SLC16A6: variants seen among roughly 807,000 people sequenced by gnomAD.
The protein encoded by SLC16A6 is solute carrier family 16 member 6.
A neutral mutation model predicts 33.8 loss-of-function variants in SLC16A6; 15 were observed. That is an observed-to-expected ratio of 0.44 (90% CI 0.30 to 0.68). The LOEUF (loss-of-function observed/expected upper bound fraction) is 0.68, where lower values mean the gene tolerates loss of function less well. Among genes scored for constraint, SLC16A6 ranks in the 30% least tolerant of loss-of-function variants. SLC16A6 has a pLI of 0.10. For synonymous variants in SLC16A6, 219 were observed against 248.4 expected (o/e 0.88, Z 1.11); for missense variants, 451 against 661.5 (o/e 0.68, Z 3.49).
rs112872270 is a variant in SLC16A6 at position 68,273,969 on chromosome 17, G to T, written c.334C>A (p.Gln112Lys). Residue 112 changes from glutamine (Q) to lysine (K), a missense_variant, in exon 3 of 6, where the codon CAA becomes AAA. Coordinates refer to ENST00000580666, the MANE Select transcript of SLC16A6 (RefSeq NM_004694.5). ...GCGACGTACATATGAGAAACCTCTT[G>T]TGAGAAGGAGGCGGCCACCATCCCG... ...STGMVAASFSQEVSHMYVAIG... is the reference protein window; with the variant it reads ...STGMVAASFSKEVSHMYVAIG... The T allele has an allele frequency of 1.1e-4, 182 of 1,614,206 alleles. No homozygotes were observed. The African/African-American group carries it at 1.9e-3, about 17-fold the overall frequency.
chr17:68,282,754 C>G (rs2075732037), intron 1 of SLC16A6, among the ~76,000 whole-genome samples: 1 of 127,250 alleles, frequency 7.9e-6, no homozygotes, highest in Non-Finnish European at 1.6e-5. Context: ...GCAGTCTGGC[C>G]AACATAGTGA....
chr17:68,282,083 A>G lies in SLC16A6; in HGVS notation c.-7-3756T>C, dbSNP rs534933762. ...TTATTGCGGCACTATTCACAACAGC[A>G]AAGACTTGGAACCAATCCAAATGTC... On this transcript the variant is annotated intron_variant, in intron 1 of 5. Transcript: ENST00000580666. Among the ~76,000 whole-genome samples the G allele has an allele frequency of 1.2e-3, 184 of 152,314 alleles. 1 individual carries two copies. The highest frequency in any genetic ancestry group is 1.9e-3 in the Non-Finnish European group (132 of 68,032).
chr17:68,291,441 A>G (rs1181892513), upstream of SLC16A6: 2 of 149,668 alleles, frequency 1.3e-5, no homozygotes, highest in Non-Finnish European at 3.0e-5. Context: ...GCCGCCGACC[A>G]TGTGCTGCGA....
intron 1 of SLC16A6, among the ~76,000 whole-genome samples, chr17:68,288,690 A>G (rs1261398889): frequency 2.0e-5 from 3 of 152,248 alleles, no homozygotes; most frequent in Non-Finnish European, 4.4e-5. Context: ...CTATACTTCT[A>G]TGACAGCCTT....
chr17:68,289,565 A>G (rs2075920970), intron 1 of SLC16A6, among the ~76,000 whole-genome samples: 1 of 152,208 alleles, frequency 6.6e-6, no homozygotes, highest in Non-Finnish European at 1.5e-5. Context: ...AGCCCGGAGA[A>G]CAGCTTTGAC....
In SLC16A6 at chr17:68,269,007, G is replaced by C. The variant is rs148251357; in HGVS notation, c.*89C>G. On this transcript the variant is annotated 3_prime_UTR_variant, in exon 6 of 6. Coordinates refer to ENST00000580666, the MANE Select transcript of SLC16A6 (RefSeq NM_004694.5). ...ATGTAGTTTTGAAAGTGGAGTAGAGGGGTTAGCTCCTCTGCCTCCTTGTGT... is the reference window on the plus strand; with the variant it reads ...ATGTAGTTTTGAAAGTGGAGTAGAGCGGTTAGCTCCTCTGCCTCCTTGTGT... The C allele has an allele frequency of 2.9e-3, 4,627 of 1,568,752 alleles. 303 individuals carry two copies. The African/African-American group carries it at 0.057, about 19-fold the overall frequency.
At chr17:68,289,154 C>T (rs1448462448) in intron 1 of SLC16A6, among the ~76,000 whole-genome samples, 2 of 151,994 alleles carry the variant, frequency 1.3e-5, no homozygotes, top group Admixed American at 6.6e-5. Context: ...GAGACCAACC[C>T]GGGCAACATA....
chr17:68,282,311 T>C (rs2075718840), intron 1 of SLC16A6, among the ~76,000 whole-genome samples: 2 of 151,542 alleles, frequency 1.3e-5, no homozygotes, highest in Non-Finnish European at 2.9e-5. Flanking sequence ...ATGAGAACAC[T>C]TGGACACAGG....
Position 68,271,550 on chromosome 17 carries a change from A to T in SLC16A6, c.610T>A (p.Phe204Ile), listed in dbSNP as rs7222013. 0.25 allele frequency: 410,981 copies of T among 1,613,986 alleles called. 60,072 individuals carry two copies. Among genetic ancestry groups the T allele is most frequent in the African/African-American group, 0.64 (48,252 of 74,946 alleles). Reference protein sequence around the residue: ...VIFGALLRPIFIRGPASPKIV... With the variant: ...VIFGALLRPIIIRGPASPKIV... ...TTCGGTGACGCTGGTCCTCTGATAA[A>T]GATGGGTCTGAGCAGTGCTCCGAAG... Residue 204 changes from phenylalanine (F) to isoleucine (I), a missense_variant, in exon 5 of 6, where the codon TTT becomes ATT. Phe to Ile is a conservative substitution (Grantham distance 21). Transcript: ENST00000580666. This position sits in a 1 kb window ranked among gnomAD's most constrained non-coding sequence, Gnocchi z 5.3.
chr17:68,276,597 T>C (rs1276577089), intron 2 of SLC16A6, among the ~76,000 whole-genome samples: 1 of 152,074 alleles, frequency 6.6e-6, no homozygotes, highest in African/African-American at 2.4e-5. Flanking sequence ...CACAGGTGTG[T>C]ACCACCATGC....
At chr17:68,280,737 T>C (rs1441770264) in intron 1 of SLC16A6, among the ~76,000 whole-genome samples, 5 of 152,190 alleles carry the variant, frequency 3.3e-5, no homozygotes, top group Non-Finnish European at 5.9e-5. Flanking sequence ...GGAAAGATTT[T>C]TATGGATAAG....
intron 4 of SLC16A6, 67 bp downstream of exon 4, chr17:68,272,572 C>T (rs1368557301): frequency 2.0e-5 from 32 of 1,571,484 alleles, no homozygotes; most frequent in Middle Eastern, 1.9e-4. Context: ...CAAAAGTTAG[C>T]GTAGCAAGAA....
chr17:68,274,196 T>C (rs782564449), intron 2 of SLC16A6, 126 bp from the exon 3 acceptor site: 37 of 1,020,258 alleles, frequency 3.6e-5, no homozygotes, highest in Non-Finnish European at 5.1e-5. Flanking sequence ...CCGAGCGCAG[T>C]GGCTCATGCC....
chr17:68,278,242 C>T lies in SLC16A6; in HGVS notation c.79G>A (p.Val27Ile). ...TCAACGAAGAAAAATGAAACAGCTA[C>T]CGCCCAGCCCCATCCTCCATCAGGC... ...EVPDGGWGWA[V>I]AVSFFFVEVF... is the part of the protein sequence containing the mutation. Residue 27 changes from valine to isoleucine, a missense_variant, in exon 2 of 6, where the codon GTA (valine) becomes ATA (isoleucine). Val to Ile is a conservative substitution (Grantham distance 29). Transcript: ENST00000580666. 3 of 1,614,178 alleles carry T rather than the reference C, an allele frequency of 1.9e-6. No homozygotes were observed. Among genetic ancestry groups the T allele is most frequent in the Non-Finnish European group, 2.5e-6 (3 of 1,180,014 alleles).
Position 68,278,140 on chromosome 17 carries a change from TA to T in SLC16A6, c.180del (p.Asn60LysfsTer7), listed in dbSNP as rs1568411939. 3 of 1,614,198 alleles carry T rather than the reference TA, an allele frequency of 1.9e-6. No homozygotes were observed. Among genetic ancestry groups the T allele is most frequent in the Non-Finnish European group, 1.7e-6 (2 of 1,180,016 alleles). Reference protein sequence around the residue: ...NDLMDSFNESNSRISWIISIC... With the variant: ...NDLMDSFNESXSRISWIISIC... ...ATTGAGATTATCCATGAGATCCTGCTATTGGATTCATTAAAACTGTCCATTA... is the reference window on the plus strand; with the variant it reads ...ATTGAGATTATCCATGAGATCCTGCTTTGGATTCATTAAAACTGTCCATTA... On this transcript the variant is annotated frameshift_variant, in exon 2 of 6. Transcript: ENST00000580666. LOFTEE classifies it high-confidence loss of function.
At chr17:68,270,811 G>A (rs1555748236) in intron 5 of SLC16A6, 28 bp downstream of exon 5, 4 of 1,544,556 alleles carry the variant, frequency 2.6e-6, no homozygotes, top group Non-Finnish European at 3.5e-6. Context: ...AAGTAGACAA[G>A]TGTTTGTATT....
At chr17:68,270,069 C>G (rs2075286610) in intron 5 of SLC16A6, among the ~76,000 whole-genome samples, 1 of 152,162 alleles carries the variant, frequency 6.6e-6, no homozygotes, top group Admixed American at 6.5e-5. Flanking sequence ...CTATGTCCCT[C>G]CTACAAGGAA....
rs1227204857 is a variant in SLC16A6 at position 68,268,423 on chromosome 17, A to AAGTT, written c.*669_*672dup. 4 of 96,716 alleles carry AAGTT rather than the reference A, an allele frequency of 4.1e-5. No individual in the cohort carries two copies. Among genetic ancestry groups the AAGTT allele is most frequent in the Non-Finnish European group, 8.1e-5 (4 of 49,356 alleles). The allele number at this position is 96,716 out of a possible 1,614,324, so 6.0% of individuals were successfully genotyped here. A position where few individuals can be genotyped will look rare whatever the true frequency, so the allele number is the denominator to read the frequency against. On this transcript the variant is annotated 3_prime_UTR_variant, in exon 6 of 6. Coordinates refer to ENST00000580666, the MANE Select transcript of SLC16A6 (RefSeq NM_004694.5). ...GGTAATCTTCACATTTATGAAGTTC[A>AAGTT]AGTTATATATATATATATATACTTA...
In SLC16A6 at chr17:68,269,059, C is replaced by A. The variant is rs1226286160; in HGVS notation, c.*37G>T. On this transcript the variant is annotated 3_prime_UTR_variant, in exon 6 of 6. Coordinates refer to ENST00000580666, the MANE Select transcript of SLC16A6 (RefSeq NM_004694.5). ...CCCGTTGGGCCCACCCCATCCCTCT[C>A]CAGCCAACACAGTGGCTGTTGTTGT... 2.5e-6 allele frequency: 4 copies of A among 1,586,716 alleles called. No homozygotes were observed. Among genetic ancestry groups the A allele is most frequent in the Non-Finnish European group, 2.6e-6 (3 of 1,166,704 alleles).
Sources: gnomAD v4.1 joint callset for allele counts (sites outside exome capture counted in the v4.1 genomes callset) on GRCh38, gnomAD v4.1.1 for gene constraint, Gnocchi (gnomAD v3.1) non-coding constraint, MANE v1.5 for transcripts, NCBI Gene and HGNC (gene_info 2026-07-23, HGNC 2026-07-21) for gene names.